The following GRHL2 variants were observed in gnomAD, a reference collection of about 807,000 sequenced individuals.
GRHL2 encodes grainyhead like transcription factor 2.
Under a neutral mutation model 83.8 loss-of-function variants are expected in GRHL2, and 21 were observed. The ratio of observed to expected loss-of-function variants is 0.25; its 90% CI spans 0.18 to 0.36. GRHL2 has a LOEUF of 0.36. Ranked by LOEUF, GRHL2 falls within the 10% of genes least tolerant of loss-of-function variation. The probability of loss-of-function intolerance (pLI) is 1.00; values close to 1 mark genes in which losing one functional copy is unlikely to be tolerated. For missense variants in GRHL2, 623 were observed against 781.8 expected (o/e 0.80, Z 2.42); for synonymous variants, 280 against 278.9 (o/e 1.00, Z -0.04).
At chr8:101,494,573 G>C (rs2129946865) in intron 1 of GRHL2, among the ~76,000 whole-genome samples, 1 of 152,252 alleles carries the variant, frequency 6.6e-6, no homozygotes, top group Middle Eastern at 3.4e-3. Context: ...ATCCGGAGGC[G>C]ACAGCAAGTT....
rs748369416 is a variant in GRHL2 at position 101,577,564 on chromosome 8, A to G, written c.1003+45A>G. 2.3e-6 allele frequency: 3 copies of G among 1,300,694 alleles called. No individual in the cohort carries two copies. The South Asian group carries it at 3.6e-5, about 16-fold the overall frequency. 80.6% of individuals were successfully genotyped at this position (1,300,694 alleles called of 1,614,324 possible). On this transcript the variant is annotated intron_variant, in intron 7 of 15. Coordinates refer to ENST00000646743, the MANE Select transcript of GRHL2 (RefSeq NM_024915.4). ...CCTGTATAGTCCTCGATAAACTGAC[A>G]TGTTGTCTCAATGCCAAGGGGAGCC...
At chr8:101,656,817 G>T (rs1333261865) in intron 14 of GRHL2, among the ~76,000 whole-genome samples, 1 of 149,996 alleles carries the variant, frequency 6.7e-6, no homozygotes, top group East Asian at 2.0e-4. Context: ...ATATATACTG[G>T]GTGTGTGTTC....
At chr8:101,543,705 C>A in intron 2 of GRHL2, 1 of 462,546 alleles carries the variant, frequency 2.2e-6, no homozygotes, top group South Asian at 2.2e-5. Flanking sequence ...GCATATTATT[C>A]TTACCATATT....
chr8:101,645,116 ATTTTTTTTTTTTTTTTTTTT>A (rs553249046), intron 13 of GRHL2, among the ~76,000 whole-genome samples: 42,772 of 117,862 alleles, frequency 0.36, 7,563 homozygotes, highest in African/African-American at 0.51. Flanking sequence ...GCAGTACAGA[ATTTTTTTTTTTTTTTTTTTT>A]TTTTTTTTTT....
chr8:101,665,259 A>G (rs969014121), intron 15 of GRHL2, among the ~76,000 whole-genome samples: 3 of 152,122 alleles, frequency 2.0e-5, no homozygotes, highest in African/African-American at 7.2e-5. Context: ...TGGGCTTCCT[A>G]TGTGTGACGG....
In GRHL2 at chr8:101,513,500, C is replaced by CTTTTTTTTTTTTTTTTTT. The variant is rs112134650; in HGVS notation, c.20+20721_20+20722insTTTTTTTTTTTTTTTTTT. Among the ~76,000 whole-genome samples the CTTTTTTTTTTTTTTTTTT allele has an allele frequency of 6.0e-5, 6 of 100,170 alleles. 2 individuals are homozygous for CTTTTTTTTTTTTTTTTTT. Among genetic ancestry groups the CTTTTTTTTTTTTTTTTTT allele is most frequent in the Non-Finnish European group, 5.7e-5 (3 of 52,782 alleles). 65.7% of individuals were successfully genotyped at this position (100,170 alleles called of 152,430 possible). On this transcript the variant is annotated intron_variant, in intron 1 of 15. Coordinates refer to ENST00000646743, the MANE Select transcript of GRHL2 (RefSeq NM_024915.4). ...TATGTGGGTGCAGGCTATCGTTGTG[C>CTTTTTTTTTTTTTTTTTT]TTTTTTTTTTGGAGATGGAGTTTTG... is the stretch of plus-strand genomic sequence containing the variant.
intron 2 of GRHL2, among the ~76,000 whole-genome samples, chr8:101,548,558 AT>A (rs763669985): frequency 2.0e-5 from 3 of 152,176 alleles, no homozygotes; most frequent in Non-Finnish European, 4.4e-5. Context: ...GCCTAAGATG[AT>A]TCCTGGATTA....
downstream of GRHL2, among the ~76,000 whole-genome samples, chr8:101,673,518 T>C (rs906420692): frequency 1.6e-5 from 1 of 61,562 alleles, no homozygotes; most frequent in African/African-American, 7.6e-5. Context: ...TAAATATATA[T>C]ATTTAGGATA....
chr8:101,526,034 C>A (rs575398205), intron 1 of GRHL2, among the ~76,000 whole-genome samples: 1 of 152,314 alleles, frequency 6.6e-6, no homozygotes, highest in Admixed American at 6.5e-5. Flanking sequence ...TGTTATTTCA[C>A]ATTTTTGCAA....
At chr8:101,544,779 C>G (rs895076985) in intron 2 of GRHL2, among the ~76,000 whole-genome samples, 2 of 152,114 alleles carry the variant, frequency 1.3e-5, no homozygotes, top group African/African-American at 4.8e-5. Context: ...GATAATTTCC[C>G]TTTTAGTAAC....
chr8:101,569,260 T>C (rs537404156), intron 4 of GRHL2, among the ~76,000 whole-genome samples: 1 of 152,340 alleles, frequency 6.6e-6, no homozygotes, highest in Non-Finnish European at 1.5e-5. Context: ...ATATGCACTG[T>C]ACATACAATT....
chr8:101,535,537 T>C (rs577774499), intron 1 of GRHL2, among the ~76,000 whole-genome samples: 46 of 152,154 alleles, frequency 3.0e-4, no homozygotes, highest in African/African-American at 1.1e-3. Flanking sequence ...CTTTTTCTCT[T>C]TCTTCTTTTT....
chr8:101,552,818 T>C (rs1452566525), intron 3 of GRHL2, 36 bp downstream of exon 3: 2 of 1,586,818 alleles, frequency 1.3e-6, no homozygotes, highest in South Asian at 1.1e-5. Flanking sequence ...AATAACTCTA[T>C]GTTTTCTAAA....
intron 1 of GRHL2, among the ~76,000 whole-genome samples, chr8:101,509,062 T>G (rs529052958): frequency 6.0e-4 from 91 of 151,854 alleles, no homozygotes; most frequent in African/African-American, 2.2e-3. Flanking sequence ...GGTCAGGCTT[T>G]CATCCCTTCC....
chr8:101,592,279 A>G (rs1812303901), intron 7 of GRHL2, among the ~76,000 whole-genome samples: 1 of 150,698 alleles, frequency 6.6e-6, no homozygotes, highest in Admixed American at 6.6e-5. Flanking sequence ...TAATTTTTGT[A>G]TTTTCAGTAG....
In GRHL2 at chr8:101,619,616, G is replaced by T. The variant is rs772917099; in HGVS notation, c.1176G>T (p.Gln392His). The T allele has an allele frequency of 3.7e-6, 6 of 1,612,968 alleles. No homozygotes were observed. The highest frequency in any genetic ancestry group is 3.4e-6 in the Non-Finnish European group (4 of 1,179,020). Residue 392 changes from glutamine to histidine, a missense_variant, in exon 9 of 16, where the codon CAG becomes CAT. Coordinates refer to ENST00000646743, the MANE Select transcript of GRHL2 (RefSeq NM_024915.4). ...TGAAAGGACTTCCTTTGATGATTCA[G>T]ATTGACACATACAGTTATAACAATC... The part of the protein sequence containing the change: ...KGVKGLPLMI[Q>H]IDTYSYNNRS...
At chr8:101,518,130 C>G (rs1810608724) in intron 1 of GRHL2, among the ~76,000 whole-genome samples, 1 of 152,206 alleles carries the variant, frequency 6.6e-6, no homozygotes, top group African/African-American at 2.4e-5. Flanking sequence ...TGTGAATCTT[C>G]CCCCATATCA....
intron 2 of GRHL2, among the ~76,000 whole-genome samples, chr8:101,544,537 G>C (rs7821811): frequency 1.3e-5 from 2 of 152,140 alleles, no homozygotes; most frequent in Non-Finnish European, 2.9e-5. Flanking sequence ...AATTATTAAA[G>C]TATAAAAAGT....
chr8:101,563,361 T>C (rs539738084), intron 4 of GRHL2, among the ~76,000 whole-genome samples: 1 of 152,328 alleles, frequency 6.6e-6, no homozygotes, highest in Non-Finnish European at 1.5e-5. Context: ...CTCAGATTTT[T>C]TTTTTTTAAT....
Sources: gnomAD v4.1 joint callset for allele counts (sites outside exome capture counted in the v4.1 genomes callset) on GRCh38, gnomAD v4.1.1 for gene constraint, MANE v1.5 for transcripts, NCBI Gene and HGNC (gene_info 2026-07-23, HGNC 2026-07-21) for gene names.